The following ITGA7 variants were observed in gnomAD, a reference collection of about 807,000 sequenced individuals.
The protein encoded by ITGA7 is integrin alpha-7.
ITGA7 carries 84 observed loss-of-function variants against 131.6 expected under a neutral mutation model. The ratio of observed to expected loss-of-function variants is 0.64; its 90% confidence interval spans 0.54 to 0.77. The LOEUF (loss-of-function observed/expected upper bound fraction) is 0.77. Ranked by LOEUF, ITGA7 falls within the 30% of genes least tolerant of loss-of-function variation. ITGA7 has a pLI of 0.00. For missense variants in ITGA7, 1,399 were observed against 1,482.9 expected (o/e 0.94, Z 0.93); for synonymous variants, 548 against 600.7 (o/e 0.91, Z 1.28).
intron 21 of ITGA7, among the ~76,000 whole-genome samples, chr12:55,690,261 A>C (rs1419270574): frequency 2.6e-5 from 4 of 152,208 alleles, no homozygotes; most frequent in Admixed American, 6.5e-5. Flanking sequence ...CAATGAACTC[A>C]AACAAATTTA....
intron 6 of ITGA7, 48 bp from the exon 7 acceptor site, chr12:55,698,624 A>G: frequency 6.2e-7 from 1 of 1,613,148 alleles, no homozygotes; most frequent in South Asian, 1.1e-5. Context: ...TGGCCAGAGG[A>G]GCCAGCAGGA....
intron 6 of ITGA7, 53 bp downstream of exon 6, chr12:55,698,657 T>C: frequency 6.2e-7 from 1 of 1,612,186 alleles, no homozygotes; most frequent in Non-Finnish European, 8.5e-7. Flanking sequence ...TCAGCCAGAC[T>C]GGGGCTACTA....
upstream of ITGA7, among the ~76,000 whole-genome samples, chr12:55,710,546 G>A (rs766271752): frequency 3.9e-5 from 6 of 152,134 alleles, no homozygotes; most frequent in Non-Finnish European, 7.4e-5. Flanking sequence ...AGAGGCCAAG[G>A]CAGGAGGATC....
intron 7 of ITGA7, 81 bp downstream of exon 7, chr12:55,698,302 A>C: frequency 3.1e-6 from 4 of 1,303,826 alleles, no homozygotes; most frequent in Non-Finnish European, 4.2e-6. Context: ...TCCTCAGAAG[A>C]CCACACCCTG....
Position 55,692,987 on chromosome 12 carries a change from AG to A in ITGA7, c.2713-13del, listed in dbSNP as rs755155912. 6.2e-7 allele frequency: 1 copy of A among 1,613,822 alleles called. No homozygotes were observed. The highest frequency in any genetic ancestry group is 1.3e-5 in the African/African-American group (1 of 74,900). On this transcript the variant is annotated splice_polypyrimidine_tract_variant and intron_variant, in intron 20 of 24. Transcript: ENST00000257879. Reference sequence around the variant, plus strand: ...CTACTGTCCACATCCTGGACACGGAAGGGGGGTCTTAGTGAGTGTCCCTCCA... The same window carrying A: ...CTACTGTCCACATCCTGGACACGGAAGGGGGTCTTAGTGAGTGTCCCTCCA...
At chr12:55,690,672 C>G (rs1236504589) in intron 21 of ITGA7, among the ~76,000 whole-genome samples, 1 of 145,154 alleles carries the variant, frequency 6.9e-6, no homozygotes, top group Non-Finnish European at 1.5e-5. Context: ...CACATGCACA[C>G]GTATGTTTAT....
At chr12:55,686,353 G>A (rs1433287434) in intron 24 of ITGA7, 9 of 1,220,366 alleles carry the variant, frequency 7.4e-6, no homozygotes, top group Non-Finnish European at 9.8e-6. Flanking sequence ...AGGAAGCAGA[G>A]GATGGAAAGA....
intron 12 of ITGA7, 40 bp downstream of exon 12, chr12:55,696,859 C>A (rs771890731): frequency 1.2e-6 from 2 of 1,609,208 alleles, no homozygotes; most frequent in Admixed American, 3.3e-5. Context: ...GAGATGGAGC[C>A]ATGAAAATGA....
At chr12:55,698,250 G>A in intron 7 of ITGA7, 133 bp downstream of exon 7, 1 of 941,252 alleles carries the variant, frequency 1.1e-6, no homozygotes, top group Non-Finnish European at 1.6e-6. Context: ...GCTGGTAAAT[G>A]GTACAGCTCA....
At position 55,701,352 on chromosome 12, in the gene ITGA7, A is replaced by G. The variant is rs191712256; in HGVS notation, c.415-198T>C. The G allele has an allele frequency of 1.4e-4, 211 of 1,554,364 alleles. No homozygotes were observed. The African/African-American group carries it at 2.3e-3, about 17-fold the overall frequency. On this transcript the variant is annotated intron_variant, in intron 3 of 24. Coordinates refer to ENST00000257879, the MANE Select transcript of ITGA7 (RefSeq NM_002206.3). ...CTGCCAGTGTTACACAGGTCCATGC[A>G]TAACCCAGCAACCTGTCTGCACCCA...
At chr12:55,716,077 G>A (rs535924264), upstream of ITGA7, 82 of 1,574,668 alleles carry the variant, frequency 5.2e-5, no homozygotes, top group Admixed American at 7.5e-5. Context: ...CGAGGTGAGC[G>A]TTCCAGCTTC....
intron 10 of ITGA7, 42 bp downstream of exon 10, chr12:55,697,409 G>A (rs1252206569): frequency 1.1e-5 from 18 of 1,590,532 alleles, no homozygotes; most frequent in South Asian, 2.2e-5. Flanking sequence ...GGGAGGGCAG[G>A]GGAAGCTGCC....
At chr12:55,696,796 G>T in intron 12 of ITGA7, 103 bp downstream of exon 12, 1 of 1,350,084 alleles carries the variant, frequency 7.4e-7, no homozygotes, top group Non-Finnish European at 1.1e-6. Context: ...CTAGGTCTTA[G>T]AAGGAGGCAC....
rs551278553 is a variant in ITGA7, at chr12:55,694,078, G to A, written c.2478C>T (p.Gly826=). The A allele has an allele frequency of 7.2e-5, 116 of 1,614,134 alleles. No homozygotes were observed. Among genetic ancestry groups the A allele is most frequent in the South Asian group, 2.2e-5 (2 of 91,078 alleles). The change falls in exon 19 of 25, where the codon GGC becomes GGT. Residue 826 remains glycine (G), a synonymous_variant. Transcript: ENST00000257879. This position sits in a 1 kb window ranked among gnomAD's most constrained non-coding sequence, Gnocchi z 5.3. The part of the protein sequence containing the change: ...QQLFFSGVVR[G]ERAMQSERDV... Reference sequence around the variant, plus strand: ...CCCGCTCAGACTGCATGGCTCTCTCGCCCCTCACCACACCAGAGAAGAAGA... The same window carrying A: ...CCCGCTCAGACTGCATGGCTCTCTCACCCCTCACCACACCAGAGAAGAAGA...
Position 55,698,815 on chromosome 12 carries a change from C to T in ITGA7, c.893G>A (p.Arg298His), listed in dbSNP as rs778134190. 13 of 1,614,082 alleles carry T rather than the reference C, an allele frequency of 8.1e-6. No individual in the cohort carries two copies. The highest frequency in any genetic ancestry group is 2.2e-5 in the East Asian group (1 of 44,876). The change falls in exon 6 of 25, where the codon CGC becomes CAC. Residue 298 changes from arginine to histidine, a missense_variant. Coordinates refer to ENST00000257879, the MANE Select transcript of ITGA7 (RefSeq NM_002206.3). ...ANHKGAVVIL[R>H]KDSASRLVPE... ...CACCAGGCGACTGGCGCTGTCCTTG[C>T]GCAGGATGACCACAGCACCCTTGTG...
chr12:55,692,398 G>C (rs1294597127), intron 21 of ITGA7, among the ~76,000 whole-genome samples: 1 of 152,220 alleles, frequency 6.6e-6, no homozygotes, highest in Admixed American at 6.5e-5. Flanking sequence ...CTTGGTGACA[G>C]AGCAAGACTC....
At position 55,696,997 on chromosome 12, in the gene ITGA7, T is replaced by C. The variant is rs775740380; in HGVS notation, c.1639A>G (p.Ser547Gly). The change falls in exon 12 of 25, where the codon AGC becomes GGC. Residue 547 changes from serine to glycine, a missense_variant. Coordinates refer to ENST00000257879, the MANE Select transcript of ITGA7 (RefSeq NM_002206.3). ...RGQVPRVTFL[S>G]RNLEEPKHQA... ...TGCTTGGGTTCTTCCAGGTTACGGC[T>C]CAGGAACGTCACACGGGGAACCTGG... The C allele has an allele frequency of 6.9e-5, 111 of 1,614,004 alleles. No homozygotes were observed. Among genetic ancestry groups the C allele is most frequent in the Non-Finnish European group, 9.2e-5 (108 of 1,180,032 alleles).
chr12:55,708,013 AGGCTGGT>A (rs1384797499), upstream of ITGA7: 20 of 1,204,286 alleles, frequency 1.7e-5, no homozygotes, highest in Non-Finnish European at 2.0e-5. Flanking sequence ...GGGGATGCCC[AGGCTGGT>A]GGCTGGGATG....
intron 24 of ITGA7, among the ~76,000 whole-genome samples, chr12:55,687,165 ATTTC>A (rs1870344189): frequency 1.7e-5 from 2 of 115,508 alleles, no homozygotes; most frequent in Admixed American, 9.1e-5. Context: ...TCTGCATCTG[ATTTC>A]TTTTTTTTTT....
Sources: allele counts gnomAD v4.1 joint callset (sites outside exome capture counted in the v4.1 genomes callset), GRCh38; gene constraint gnomAD v4.1.1; non-coding constraint Gnocchi (gnomAD v3.1); transcripts MANE v1.5; gene names NCBI Gene and HGNC (gene_info 2026-07-23, HGNC 2026-07-21).